The following CYP19A1 variants were observed in gnomAD, a reference collection of about 807,000 sequenced individuals.
The protein encoded by CYP19A1 is aromatase.
A neutral mutation model predicts 44.4 loss-of-function variants in CYP19A1; 32 were observed. The ratio of observed to expected loss-of-function variants is 0.72; its 90% CI spans 0.54 to 0.97. The LOEUF is 0.97. Ranked by LOEUF, CYP19A1 falls within the 50% of genes least tolerant of loss-of-function variation. The pLI is 0.00. For synonymous variants in CYP19A1, 212 were observed against 215.6 expected, an observed-to-expected ratio of 0.98 and a Z score of 0.14; for missense variants, 598 against 637.8, an observed-to-expected ratio of 0.94 and a Z score of 0.67.
At chr15:51,320,884 T>C (rs956502421) in intron 1 of CYP19A1, 1 of 152,266 alleles carries the variant, frequency 6.6e-6, no homozygotes, top group Non-Finnish European at 1.5e-5. Context: ...ATTTTAAAAA[T>C]GATTGAGAAT....
At position 51,319,941 on chromosome 15, in the gene CYP19A1, A is replaced by G. The variant is rs575511371; in HGVS notation, c.-39+18554T>C. Among the ~76,000 whole-genome samples the G allele has an allele frequency of 1.2e-4, 19 of 152,360 alleles. 1 individual carries two copies. The South Asian group carries it at 3.9e-3, about 32-fold the overall frequency. ...CCTGCTGTGAAGTTCAGATGAGCTC[A>G]TGGATGTGAACACCTTCTGAGGGTC... On this transcript the variant is annotated intron_variant, in intron 1 of 9. Coordinates refer to ENST00000396402, the MANE Select transcript of CYP19A1 (RefSeq NM_000103.4).
intron 1 of CYP19A1, among the ~76,000 whole-genome samples, chr15:51,274,858 A>G (rs913526506): frequency 6.6e-6 from 1 of 152,180 alleles, no homozygotes; most frequent in African/African-American, 2.4e-5. Context: ...AGAAGAAAGA[A>G]GGGGCAACAC....
chr15:51,319,279 T>C (rs1214099591), intron 1 of CYP19A1, among the ~76,000 whole-genome samples: 2 of 152,244 alleles, frequency 1.3e-5, no homozygotes, highest in African/African-American at 4.8e-5. Context: ...TTAATAGTTA[T>C]TAATGGAATA....
rs1162803652 is a variant in CYP19A1 at position 51,306,964 on chromosome 15, T to C, written c.-39+31531A>G. Among the ~76,000 whole-genome samples the C allele has an allele frequency of 2.7e-5, 4 of 150,316 alleles. No individual in the cohort carries two copies. The East Asian group carries it at 8.1e-4, about 30-fold the overall frequency. On this transcript the variant is annotated intron_variant, in intron 1 of 9. Transcript: ENST00000396402. ...CAGAAGGGTCTAGACATATTGATGATAATAAGTAAACCAGATAATGGCAAG... is the reference window on the plus strand; with the variant it reads ...CAGAAGGGTCTAGACATATTGATGACAATAAGTAAACCAGATAATGGCAAG...
chr15:51,289,688 C>G (rs901550962), intron 1 of CYP19A1, among the ~76,000 whole-genome samples: 3 of 152,236 alleles, frequency 2.0e-5, no homozygotes, highest in South Asian at 2.1e-4. Context: ...TTTGAGGCAA[C>G]CTTGTTAATC....
chr15:51,266,671 C>A (rs1197948903), intron 1 of CYP19A1, among the ~76,000 whole-genome samples: 4 of 152,186 alleles, frequency 2.6e-5, no homozygotes, highest in Non-Finnish European at 5.9e-5. Context: ...TGCTCTTGCC[C>A]TTTTAGTATA....
intron 5 of CYP19A1, among the ~76,000 whole-genome samples, chr15:51,220,147 T>C (rs1234821066): frequency 6.6e-6 from 1 of 152,236 alleles, no homozygotes; most frequent in Non-Finnish European, 1.5e-5. Flanking sequence ...TGGAGTGTTC[T>C]TCCCTCATAT....
chr15:51,280,415 TTATC>T lies in CYP19A1; in HGVS notation c.-38-37469_-38-37466del, dbSNP rs199596616. Among the ~76,000 whole-genome samples, 1,246 of 152,306 alleles carry T rather than the reference TTATC, an allele frequency of 8.2e-3. 17 individuals carry two copies. Among genetic ancestry groups the T allele is most frequent in the African/African-American group, 0.029 (1,185 of 41,552 alleles). On this transcript the variant is annotated intron_variant, in intron 1 of 9. Coordinates refer to ENST00000396402, the MANE Select transcript of CYP19A1 (RefSeq NM_000103.4). ...GCCCAGCCAAAGCCTGCCCTTCTTCTTATCTATCCATCCTGGTCTCCCCATTTTA... is the reference window on the plus strand; with the variant it reads ...GCCCAGCCAAAGCCTGCCCTTCTTCTTATCCATCCTGGTCTCCCCATTTTA...
At chr15:51,267,587 G>T (rs1016563494) in intron 1 of CYP19A1, among the ~76,000 whole-genome samples, 28 of 152,344 alleles carry the variant, frequency 1.8e-4, no homozygotes, top group African/African-American at 6.7e-4. Flanking sequence ...GGTGTTCGCC[G>T]GGTGGGGGCC....
intron 3 of CYP19A1, among the ~76,000 whole-genome samples, chr15:51,228,458 C>T (rs2032771822): frequency 6.6e-6 from 1 of 152,240 alleles, no homozygotes; most frequent in African/African-American, 2.4e-5. Flanking sequence ...AGTCTCTAAT[C>T]AGGCCTGCCC....
intron 2 of CYP19A1, among the ~76,000 whole-genome samples, chr15:51,240,371 A>C (rs1286350218): frequency 1.3e-5 from 2 of 152,180 alleles, no homozygotes; most frequent in East Asian, 3.8e-4. Flanking sequence ...CAAAACAGAC[A>C]CAAACACACC....
intron 1 of CYP19A1, 26 bp from the exon 2 acceptor site, chr15:51,242,976 A>G: frequency 8.5e-7 from 1 of 1,169,896 alleles, no homozygotes; most frequent in Non-Finnish European, 1.3e-6. Context: ...GGACAGAAAA[A>G]TTACAGAATC....
At chr15:51,330,588 A>T (rs572764109) in intron 1 of CYP19A1, among the ~76,000 whole-genome samples, 1 of 152,310 alleles carries the variant, frequency 6.6e-6, no homozygotes, top group East Asian at 1.9e-4. Context: ...GGGTTTGGGT[A>T]TGTGGTGGTC....
intron 1 of CYP19A1, among the ~76,000 whole-genome samples, chr15:51,334,909 A>G (rs1278344374): frequency 6.6e-6 from 1 of 152,182 alleles, no homozygotes; most frequent in Non-Finnish European, 1.5e-5. Context: ...GAGGTAGGTA[A>G]AAGCCCAGTC....
chr15:51,273,292 A>G (rs533127018), intron 1 of CYP19A1, among the ~76,000 whole-genome samples: 2 of 152,284 alleles, frequency 1.3e-5, no homozygotes, highest in East Asian at 3.9e-4. Context: ...TATGATCAAT[A>G]GGCAGAATAG....
In CYP19A1 at chr15:51,212,376, T is replaced by G. The variant is rs1401213342; in HGVS notation, c.1207A>C (p.Arg403=). 1 of 1,591,096 alleles carries G rather than the reference T, an allele frequency of 6.3e-7. No individual in the cohort carries two copies. The highest frequency in any genetic ancestry group is 2.2e-5 in the East Asian group (1 of 44,744). ...TTGGGTTTGGGGAAAAACTCGAGTC[T>G]GTGCATCCTTCCAATATTCAGGATA... ...NIILNIGRMH[R]LEFFPKPNEF... The change falls in exon 9 of 10, where the codon AGA becomes CGA. Residue 403 remains arginine, a synonymous_variant. Transcript: ENST00000396402.
chr15:51,312,540 T>C (rs2036333412), intron 1 of CYP19A1: 1 of 152,348 alleles, frequency 6.6e-6, no homozygotes, highest in Admixed American at 6.5e-5. Context: ...TTTGTCCTCT[T>C]TCCCATCACC....
intron 1 of CYP19A1, among the ~76,000 whole-genome samples, chr15:51,308,874 G>T (rs2036261019): frequency 6.6e-6 from 1 of 152,080 alleles, no homozygotes; most frequent in Non-Finnish European, 1.5e-5. Context: ...TCATGCACAG[G>T]GTACCCTTGC....
intron 1 of CYP19A1, among the ~76,000 whole-genome samples, chr15:51,280,177 A>G (rs997983608): frequency 2.3e-5 from 3 of 133,076 alleles, no homozygotes; most frequent in African/African-American, 8.9e-5. Flanking sequence ...GCTGGAGTGC[A>G]GTGGCACGAT....
Sources: gnomAD v4.1 joint callset for allele counts (sites outside exome capture counted in the v4.1 genomes callset) on GRCh38, gnomAD v4.1.1 for gene constraint, MANE v1.5 for transcripts, NCBI Gene and HGNC (gene_info 2026-07-23, HGNC 2026-07-21) for gene names.